The following FYN variants were observed in gnomAD, a reference collection of about 807,000 sequenced individuals.
FYN encodes the protein tyrosine-protein kinase Fyn.
A neutral mutation model predicts 70.2 loss-of-function variants in FYN; 10 were observed. The ratio of observed to expected loss-of-function variants is 0.14; its 90% confidence interval spans 0.09 to 0.24. The LOEUF is 0.24. FYN is among the 10% of genes least tolerant of loss of function. The pLI, the probability that FYN is intolerant of heterozygous loss-of-function variation, is 1.00. For synonymous variants in FYN, 236 were observed against 248.6 expected, an observed-to-expected ratio of 0.95 and a Z score of 0.48; for missense variants, 319 against 673.1, an observed-to-expected ratio of 0.47 and a Z score of 5.82.
intron 12 of FYN, among the ~76,000 whole-genome samples, chr6:111,675,021 TG>T (rs1798471180): frequency 6.6e-6 from 1 of 152,174 alleles, no homozygotes; most frequent in Non-Finnish European, 1.5e-5. Flanking sequence ...ACACAAAACC[TG>T]ATTAAACCAC....
intron 2 of FYN, among the ~76,000 whole-genome samples, chr6:111,817,971 T>C (rs75637661): frequency 0.015 from 2,322 of 152,266 alleles, 36 homozygotes; most frequent in Middle Eastern, 0.037. Context: ...CAACAAATGC[T>C]CCATCTATGC....
intron 1 of FYN, among the ~76,000 whole-genome samples, chr6:111,869,703 T>C (rs1386044909): frequency 6.6e-6 from 1 of 152,198 alleles, no homozygotes; most frequent in African/African-American, 2.4e-5. Flanking sequence ...AGGAGTGTGA[T>C]TTCTAAGGAC....
At chr6:111,866,875 T>G (rs1774122551) in intron 1 of FYN, among the ~76,000 whole-genome samples, 1 of 152,232 alleles carries the variant, frequency 6.6e-6, no homozygotes, top group Non-Finnish European at 1.5e-5. Flanking sequence ...GTTTTTACCC[T>G]GGCTGGGGAG....
intron 2 of FYN, among the ~76,000 whole-genome samples, chr6:111,790,860 T>C (rs967713763): frequency 3.3e-5 from 5 of 152,188 alleles, no homozygotes; most frequent in Admixed American, 6.5e-5. Context: ...CAACAAAAGA[T>C]ATGTAAGACT....
intron 9 of FYN, chr6:111,699,382 G>T: frequency 1.1e-6 from 1 of 942,420 alleles, no homozygotes; most frequent in East Asian, 2.5e-5. Flanking sequence ...CTGAAAATCT[G>T]GATGGCCTGT....
intron 2 of FYN, among the ~76,000 whole-genome samples, chr6:111,783,182 G>A (rs777883531): frequency 6.6e-6 from 1 of 152,148 alleles, no homozygotes; most frequent in Admixed American, 6.5e-5. Flanking sequence ...CTTTTCAAAC[G>A]AATAGAGCAT....
intron 3 of FYN, among the ~76,000 whole-genome samples, chr6:111,742,765 C>G (rs977128880): frequency 6.6e-6 from 1 of 152,100 alleles, no homozygotes; most frequent in African/African-American, 2.4e-5. Context: ...CAAAAGTAAA[C>G]TAGAAACTAG....
At chr6:111,793,299 C>T (rs1446605730) in intron 2 of FYN, among the ~76,000 whole-genome samples, 1 of 152,090 alleles carries the variant, frequency 6.6e-6, no homozygotes, top group Admixed American at 6.5e-5. Flanking sequence ...TAATACACAT[C>T]ATTTAAATTT....
At chr6:111,720,202 C>T in intron 3 of FYN, 140 bp from the exon 4 acceptor site, 6 of 944,552 alleles carry the variant, frequency 6.4e-6, no homozygotes, top group Non-Finnish European at 9.1e-6. Context: ...AAGGCAGTGG[C>T]TGGGGAGATG....
At chr6:111,727,151 A>T (rs1801225414) in intron 3 of FYN, among the ~76,000 whole-genome samples, 1 of 152,154 alleles carries the variant, frequency 6.6e-6, no homozygotes, top group South Asian at 2.1e-4. Context: ...TGCACATTCC[A>T]TTCCCCCAAG....
At chr6:111,749,371 T>C (rs947845839) in intron 3 of FYN, among the ~76,000 whole-genome samples, 4 of 152,222 alleles carry the variant, frequency 2.6e-5, no homozygotes, top group Non-Finnish European at 5.9e-5. Context: ...GAAAAGAGGA[T>C]GCTTGCTCTA....
chr6:111,773,618 G>GAGGGGGAGGGAGAGAGGGGGAGGGAA (rs1803581313), intron 3 of FYN, among the ~76,000 whole-genome samples: 1 of 87,372 alleles, frequency 1.1e-5, no homozygotes, highest in African/African-American at 4.6e-5. Context: ...GGGAGGGAGA[G>GAGGGGGAGGGAGAGAGGGGGAGGGAA]AGGGGGAAAG....
chr6:111,800,177 G>A (rs1771939678), intron 2 of FYN, among the ~76,000 whole-genome samples: 1 of 152,150 alleles, frequency 6.6e-6, no homozygotes, highest in African/African-American at 2.4e-5. Context: ...CTTTATTAAT[G>A]TTAATAGGAG....
At chr6:111,675,211 C>T (rs1798478108) in intron 12 of FYN, among the ~76,000 whole-genome samples, 1 of 152,190 alleles carries the variant, frequency 6.6e-6, no homozygotes, top group Non-Finnish European at 1.5e-5. Context: ...CATCTTTACT[C>T]CTGGGATAGT....
Position 111,661,667 on chromosome 6 carries a change from T to C in FYN, c.*72A>G. The stretch of plus-strand genomic sequence containing the variant: ...GTTCCGCTGCTGGGGAGCAGCTGGC[T>C]ACGGAATTGAAAGCTAATGGGGAGG... On this transcript the variant is annotated 3_prime_UTR_variant, in exon 14 of 14. Coordinates refer to ENST00000354650, the MANE Select transcript of FYN (RefSeq NM_002037.5). This position sits in a 1 kb window ranked among gnomAD's most constrained non-coding sequence, Gnocchi z 4.0. 2 of 1,415,940 alleles carry C rather than the reference T, an allele frequency of 1.4e-6. No individual in the cohort carries two copies. The highest frequency in any genetic ancestry group is 1.9e-6 in the Non-Finnish European group (2 of 1,025,842). The allele number at this position is 1,415,940 out of a possible 1,614,324, so 87.7% of individuals were successfully genotyped here.
At chr6:111,677,253 C>A (rs1180126670) in intron 12 of FYN, among the ~76,000 whole-genome samples, 4 of 152,176 alleles carry the variant, frequency 2.6e-5, no homozygotes, top group Admixed American at 6.5e-5. Context: ...CTGCTTTCAA[C>A]AAAAGAAGCT....
At chr6:111,759,741 C>T (rs1443590278) in intron 3 of FYN, 7 of 152,194 alleles carry the variant, frequency 4.6e-5, no homozygotes, top group Non-Finnish European at 1.0e-4. Flanking sequence ...GTCTTGTCTC[C>T]CCACCTACAT....
intron 2 of FYN, among the ~76,000 whole-genome samples, chr6:111,797,555 AAATT>A (rs559283095): frequency 1.4e-3 from 210 of 150,674 alleles, no homozygotes; most frequent in Non-Finnish European, 2.5e-3. Context: ...ATGGTTAAAT[AAATT>A]AGTCTGCTCA....
chr6:111,781,880 G>A (rs1339486639), intron 2 of FYN, among the ~76,000 whole-genome samples: 2 of 152,130 alleles, frequency 1.3e-5, no homozygotes, highest in Admixed American at 6.5e-5. Context: ...CTAATATACT[G>A]TAATTTTGAA....
Sources: allele counts gnomAD v4.1 joint callset (sites outside exome capture counted in the v4.1 genomes callset), GRCh38; gene constraint gnomAD v4.1.1; non-coding constraint Gnocchi (gnomAD v3.1); transcripts MANE v1.5; gene names NCBI Gene and HGNC (gene_info 2026-07-23, HGNC 2026-07-21).